Variants in PCDH17 observed in about 807,000 individuals in gnomAD.
PCDH17 encodes protocadherin-17.
In PCDH17, 21 loss-of-function variants were observed where a neutral mutation model predicts 67.7. The ratio of observed to expected loss-of-function variants is 0.31; its 90% CI spans 0.22 to 0.45. PCDH17 has a LOEUF of 0.45. PCDH17 is among the 20% of genes least tolerant of loss of function. The pLI is 1.00. For missense variants in PCDH17, 1,471 were observed against 1,564.8 expected (o/e 0.94, Z 1.01); for synonymous variants, 701 against 656.7 (o/e 1.07, Z -1.03).
chr13:57,700,746 G>C (rs1014084327), intron 3 of PCDH17, among the ~76,000 whole-genome samples: 1 of 152,070 alleles, frequency 6.6e-6, no homozygotes, highest in Non-Finnish European at 1.5e-5. Flanking sequence ...TAATGTGACT[G>C]TCATTCTGTA....
chr13:57,704,685 T>C (rs1955702185), intron 3 of PCDH17, among the ~76,000 whole-genome samples: 1 of 151,976 alleles, frequency 6.6e-6, no homozygotes, highest in South Asian at 2.1e-4. Context: ...AAAACATGTA[T>C]TGATTTTTCA....
At chr13:57,703,023 A>G (rs781704032) in intron 3 of PCDH17, among the ~76,000 whole-genome samples, 1 of 152,044 alleles carries the variant, frequency 6.6e-6, no homozygotes, top group African/African-American at 2.4e-5. Flanking sequence ...TCTTGTTTTC[A>G]TTTTTATATC....
intron 3 of PCDH17, among the ~76,000 whole-genome samples, chr13:57,671,900 G>C (rs1955327029): frequency 2.0e-5 from 3 of 151,960 alleles, no homozygotes; most frequent in Admixed American, 2.0e-4. Context: ...CCCGGTGACT[G>C]GATTCAAGGA....
intron 1 of PCDH17, among the ~76,000 whole-genome samples, chr13:57,641,571 AAAAAAAAAAAAAAAAAATATATATAT>A (rs1335890308): frequency 9.1e-5 from 3 of 33,098 alleles, no homozygotes; most frequent in South Asian, 1.3e-3. Context: ...AAAAAAAAAA[AAAAAAAAAAAAAAAAAATATATATAT>A]ATATATATAT....
rs1593955856 is a variant in PCDH17, at chr13:57,725,438, C to G, written c.*144C>G. The G allele has an allele frequency of 1.5e-6, 1 of 661,014 alleles. No individual in the cohort carries two copies. Among genetic ancestry groups the G allele is most frequent in the East Asian group, 2.7e-5 (1 of 36,442 alleles). 40.9% of individuals were successfully genotyped at this position (661,014 alleles called of 1,614,324 possible). A position where few individuals can be genotyped will look rare whatever the true frequency, so the allele number is the denominator to read the frequency against. On this transcript the variant is annotated 3_prime_UTR_variant, in exon 4 of 4. Coordinates refer to ENST00000377918, the MANE Select transcript of PCDH17 (RefSeq NM_001040429.3). ...TTTTAGTGAACATCTGAAGTGCCCA[C>G]AAGTATGTTCTTTCCACTGCTGATT...
rs184947408 is a variant in PCDH17 at position 57,708,675 on chromosome 13, C to T, written c.2798-15937C>T. On this transcript the variant is annotated intron_variant, in intron 3 of 3. Coordinates refer to ENST00000377918, the MANE Select transcript of PCDH17 (RefSeq NM_001040429.3). ...AACAGTGAGAAAAAAACCATTTGAG[C>T]TGCCTGTTATTAATTGTTCAACCTG... Among the ~76,000 whole-genome samples the T allele has an allele frequency of 4.6e-5, 7 of 152,062 alleles. No homozygotes were observed. The East Asian group carries it at 9.7e-4, about 21-fold the overall frequency.
chr13:57,650,218 TTGTG>T (rs67398023), intron 1 of PCDH17, among the ~76,000 whole-genome samples: 3,912 of 137,498 alleles, frequency 0.028, 129 homozygotes, highest in African/African-American at 0.079. Flanking sequence ...GGACCCTTGA[TTGTG>T]TGTGTGTGTG....
rs569356414 is a variant in PCDH17, at chr13:57,726,031, A to G, written c.*737A>G. The G allele has an allele frequency of 2.0e-5, 3 of 152,648 alleles. No individual in the cohort carries two copies. Among genetic ancestry groups the G allele is most frequent in the South Asian group, 2.1e-4 (1 of 4,826 alleles). The allele number at this position is 152,648 out of a possible 1,614,324, so 9.5% of individuals were successfully genotyped here. A position where few individuals can be genotyped will look rare whatever the true frequency, so the allele number is the denominator to read the frequency against. On this transcript the variant is annotated 3_prime_UTR_variant, in exon 4 of 4. Coordinates refer to ENST00000377918, the MANE Select transcript of PCDH17 (RefSeq NM_001040429.3). ...AGACTAATTCACGTCATTAAAGAAG[A>G]AGAAAACTTAAAGATTTAAAATGCC...
intron 3 of PCDH17, among the ~76,000 whole-genome samples, chr13:57,680,391 G>A (rs1955437569): frequency 6.6e-6 from 1 of 151,520 alleles, no homozygotes; most frequent in Non-Finnish European, 1.5e-5. Flanking sequence ...TTTAGAAATG[G>A]CAAATAAATC....
At chr13:57,631,052 A>G (rs1390998061), upstream of PCDH17, among the ~76,000 whole-genome samples, 1 of 151,912 alleles carries the variant, frequency 6.6e-6, no homozygotes, top group East Asian at 1.9e-4. Flanking sequence ...GCCCAGAAAA[A>G]CTGAAAGAGA....
intron 3 of PCDH17, among the ~76,000 whole-genome samples, chr13:57,675,550 G>A (rs1490973640): frequency 1.3e-5 from 2 of 151,946 alleles, no homozygotes. Context: ...GGGAATCAAA[G>A]AGAATTTGTG....
intron 1 of PCDH17, among the ~76,000 whole-genome samples, chr13:57,654,401 GT>G (rs80019764): frequency 0.13 from 19,496 of 149,750 alleles, 4,221 homozygotes; most frequent in African/African-American, 0.45. Context: ...TATTTCTTAA[GT>G]TTTTTTTTTC....
chr13:57,630,583 A>G (rs565063271), upstream of PCDH17, among the ~76,000 whole-genome samples: 1 of 152,308 alleles, frequency 6.6e-6, no homozygotes, highest in East Asian at 1.9e-4. Context: ...AACAAAATAA[A>G]TAAACCAATA....
chr13:57,676,662 G>T (rs1160094865), intron 3 of PCDH17, among the ~76,000 whole-genome samples: 1 of 151,660 alleles, frequency 6.6e-6, no homozygotes, highest in Non-Finnish European at 1.5e-5. Context: ...AGAGGAAGAG[G>T]TCAGTAATAG....
In PCDH17 at chr13:57,633,258, G is replaced by T; in HGVS notation, c.712G>T (p.Asp238Tyr). Residue 238 changes from aspartate to tyrosine, a missense_variant, in exon 1 of 4, where the codon GAC becomes TAC. Physicochemically the swap from Asp to Tyr is radical, Grantham distance 160. This residue lies in a region of PCDH17 where 1,163 missense variants were observed against 1,230.0 expected (regional missense o/e 0.95). Coordinates refer to ENST00000377918, the MANE Select transcript of PCDH17 (RefSeq NM_001040429.3). This position sits in a 1 kb window ranked among gnomAD's most constrained non-coding sequence, Gnocchi z 6.2. ...QINVKVIDSN[D>Y]NSPVFEAPSY... is the part of the protein sequence containing the mutation. ...CAACGTGAAGGTGATTGACTCCAAC[G>T]ACAACAGCCCGGTCTTCGAGGCGCC... The T allele has an allele frequency of 6.2e-7, 1 of 1,613,264 alleles. No individual in the cohort carries two copies. The highest frequency in any genetic ancestry group is 8.5e-7 in the Non-Finnish European group (1 of 1,180,010).
chr13:57,661,182 A>C (rs1593909094), intron 1 of PCDH17, among the ~76,000 whole-genome samples: 1 of 152,200 alleles, frequency 6.6e-6, no homozygotes, highest in East Asian at 1.9e-4. Flanking sequence ...TAAGTTTTTA[A>C]ATTTCATATA....
intron 3 of PCDH17, among the ~76,000 whole-genome samples, chr13:57,680,020 C>T (rs906940904): frequency 1.3e-5 from 2 of 151,306 alleles, no homozygotes; most frequent in Non-Finnish European, 3.0e-5. Flanking sequence ...TTCAGTAATT[C>T]AGTAAAAATT....
chr13:57,632,426 G>T lies in PCDH17; in HGVS notation c.-121G>T. 2.0e-6 allele frequency: 2 copies of T among 981,864 alleles called. No individual in the cohort carries two copies. The highest frequency in any genetic ancestry group is 2.6e-5 in the East Asian group (1 of 38,284). The allele number at this position is 981,864 out of a possible 1,614,324, so 60.8% of individuals were successfully genotyped here. On this transcript the variant is annotated 5_prime_UTR_variant, in exon 1 of 4. The change creates a new upstream start codon in the 5' untranslated region. Transcript: ENST00000377918. ...GCAGCTCGGGTGCAGAGGGAAAAAAGGACCCATAGACTTGTGGCTCGCGTC... is the reference window on the plus strand; with the variant it reads ...GCAGCTCGGGTGCAGAGGGAAAAAATGACCCATAGACTTGTGGCTCGCGTC...
chr13:57,722,118 G>A lies in PCDH17; in HGVS notation c.2798-2494G>A, dbSNP rs117179196. Among the ~76,000 whole-genome samples, 630 of 152,268 alleles carry A rather than the reference G, an allele frequency of 4.1e-3. 6 individuals carry two copies. The highest frequency in any genetic ancestry group is 6.3e-3 in the Non-Finnish European group (426 of 68,018). ...GCTCCCCACGATGTGACATAAAGGA[G>A]TTAAGTAAAATGCTGCAGATTTTCA... On this transcript the variant is annotated intron_variant, in intron 3 of 3. Transcript: ENST00000377918.
Sources: allele counts gnomAD v4.1 joint callset (sites outside exome capture counted in the v4.1 genomes callset), GRCh38; gene constraint gnomAD v4.1.1; regional missense constraint gnomAD v4.1.1; non-coding constraint Gnocchi (gnomAD v3.1); transcripts MANE v1.5; gene names NCBI Gene and HGNC (gene_info 2026-07-23, HGNC 2026-07-21).